SLC24A2: variants seen among roughly 807,000 people sequenced by gnomAD.
SLC24A2 encodes the protein solute carrier family 24 member 2.
A neutral mutation model predicts 62.0 loss-of-function variants in SLC24A2; 36 were observed. The ratio of observed to expected loss-of-function variants is 0.58; its 90% CI spans 0.44 to 0.77. The LOEUF (loss-of-function observed/expected upper bound fraction) is 0.77, where lower values mean the gene tolerates loss of function less well. Among genes scored for constraint, SLC24A2 ranks in the 30% least tolerant of loss-of-function variants. The probability of loss-of-function intolerance (pLI) is 0.00; values close to 1 mark genes in which losing one functional copy is unlikely to be tolerated. For missense variants in SLC24A2, 846 were observed against 817.9 expected (o/e 1.03, Z -0.42); for synonymous variants, 358 against 294.0 (o/e 1.22, Z -2.23).
chr9:20,107,820 G>A, the SLC24A2 span, among the ~76,000 whole-genome samples: 3 of 152,166 alleles, frequency 2.0e-5, no homozygotes, highest in African/African-American at 7.2e-5. Flanking sequence ...AAAAGCAATG[G>A]CAACAAAAGC....
intron 2 of SLC24A2, among the ~76,000 whole-genome samples, chr9:19,728,679 C>T (rs920988309): frequency 6.6e-6 from 1 of 152,110 alleles, no homozygotes; most frequent in Non-Finnish European, 1.5e-5. Flanking sequence ...CAACATTTTA[C>T]ATCCAAAAAC....
chr9:19,677,754 C>T (rs1014549064), intron 2 of SLC24A2, among the ~76,000 whole-genome samples: 1 of 150,922 alleles, frequency 6.6e-6, no homozygotes. Flanking sequence ...ATACATTACA[C>T]ATAACACACA....
the SLC24A2 span, among the ~76,000 whole-genome samples, chr9:19,949,184 C>T: frequency 6.1e-4 from 93 of 151,926 alleles, no homozygotes; most frequent in Admixed American, 1.6e-3. Flanking sequence ...AGTAGAGACG[C>T]GGTTTCACCA....
chr9:19,566,811 G>C (rs947353418), intron 7 of SLC24A2, among the ~76,000 whole-genome samples: 1 of 152,144 alleles, frequency 6.6e-6, no homozygotes, highest in African/African-American at 2.4e-5. Flanking sequence ...TCCTTTGTAG[G>C]GACACGGATG....
chr9:20,127,200 C>CTCCTTCAT, the SLC24A2 span, among the ~76,000 whole-genome samples: 1 of 152,106 alleles, frequency 6.6e-6, no homozygotes, highest in African/African-American at 2.4e-5. Context: ...TGTTTCCTCT[C>CTCCTTCAT]TCCTTCATTC....
the SLC24A2 span, among the ~76,000 whole-genome samples, chr9:20,213,994 T>G: frequency 1.9e-3 from 297 of 152,342 alleles, 3 homozygotes; most frequent in African/African-American, 6.7e-3. Flanking sequence ...ATTTCGCTTG[T>G]CATAATGTCT....
intron 5 of SLC24A2, among the ~76,000 whole-genome samples, chr9:19,595,946 T>C (rs1298325022): frequency 6.6e-6 from 1 of 152,174 alleles, no homozygotes; most frequent in African/African-American, 2.4e-5. Context: ...TATTCCTACA[T>C]GTAGGGTTCT....
In SLC24A2 at chr9:19,786,040, T is replaced by A. The variant is rs1823160067; in HGVS notation, c.827A>T (p.Tyr276Phe). ...SLLLLTAYFC[Y>F]VVFMKFNVQV... ...GACGTTGAATTTCATGAAAACCACA[T>A]AGCAAAAATAAGCTGTTAAGAGAAG... Residue 276 changes from tyrosine to phenylalanine, a missense_variant, in exon 2 of 11, where the codon TAT becomes TTT. Tyr to Phe is a conservative substitution (Grantham distance 22, BLOSUM62 3). Transcript: ENST00000341998. The surrounding 1 kb of genome is among the most constrained non-coding windows in gnomAD (Gnocchi z 5.0). 2 of 1,614,026 alleles carry A rather than the reference T, an allele frequency of 1.2e-6. No individual in the cohort carries two copies. Among genetic ancestry groups the A allele is most frequent in the South Asian group, 2.2e-5 (2 of 91,088 alleles).
intron 7 of SLC24A2, among the ~76,000 whole-genome samples, chr9:19,556,402 C>T (rs747601932): frequency 2.0e-5 from 3 of 152,164 alleles, no homozygotes; most frequent in Non-Finnish European, 4.4e-5. Flanking sequence ...GTGAAGGGCA[C>T]TGAGCAAGAT....
chr9:19,687,735 T>C (rs536771038), intron 2 of SLC24A2, among the ~76,000 whole-genome samples: 2 of 152,244 alleles, frequency 1.3e-5, no homozygotes, highest in East Asian at 3.9e-4. Flanking sequence ...ATCAGATTCC[T>C]ACCAGTTACT....
At chr9:19,863,022 GAC>G in the SLC24A2 span, among the ~76,000 whole-genome samples, 95 of 151,950 alleles carry the variant, frequency 6.3e-4, no homozygotes, top group Admixed American at 4.1e-3. Context: ...CACCTATAAA[GAC>G]ACACACTGAC....
the SLC24A2 span, among the ~76,000 whole-genome samples, chr9:20,284,716 A>G: frequency 6.6e-6 from 1 of 152,200 alleles, no homozygotes; most frequent in East Asian, 1.9e-4. Flanking sequence ...ACCAAGCACA[A>G]TAAAGCACCA....
intron 8 of SLC24A2, among the ~76,000 whole-genome samples, chr9:19,532,937 A>C (rs1005340669): frequency 1.3e-5 from 2 of 152,106 alleles, no homozygotes; most frequent in Non-Finnish European, 2.9e-5. Context: ...TTCGGTCCTT[A>C]GTTTATTTTC....
chr9:19,693,203 G>A (rs576987666), intron 2 of SLC24A2, among the ~76,000 whole-genome samples: 1 of 152,028 alleles, frequency 6.6e-6, no homozygotes, highest in Non-Finnish European at 1.5e-5. Flanking sequence ...ATACCCAAAG[G>A]ATTATAAATC....
chr9:19,851,023 ACATATT>A, the SLC24A2 span, among the ~76,000 whole-genome samples: 5 of 55,582 alleles, frequency 9.0e-5, no homozygotes, highest in African/African-American at 2.3e-4. Context: ...ATATATATAT[ACATATT>A]TTTTTTTTTT....
intron 7 of SLC24A2, among the ~76,000 whole-genome samples, chr9:19,552,698 A>G (rs187380335): frequency 1.5e-3 from 222 of 152,220 alleles, no homozygotes; most frequent in African/African-American, 5.1e-3. Flanking sequence ...TAAAACACAA[A>G]AGCAACTCTT....
At chr9:19,522,045 G>A (rs763416508) in intron 9 of SLC24A2, among the ~76,000 whole-genome samples, 8 of 152,096 alleles carry the variant, frequency 5.3e-5, no homozygotes, top group Non-Finnish European at 1.2e-4. Flanking sequence ...TTCTTGCTCT[G>A]TTGCCCAGGC....
At chr9:19,662,813 T>A (rs902794878) in intron 2 of SLC24A2, among the ~76,000 whole-genome samples, 1 of 152,238 alleles carries the variant, frequency 6.6e-6, no homozygotes, top group Non-Finnish European at 1.5e-5. Flanking sequence ...TATCAAAATT[T>A]ATGTTATATA....
chr9:19,751,161 G>A (rs11790276), intron 2 of SLC24A2, among the ~76,000 whole-genome samples: 39,920 of 151,994 alleles, frequency 0.26, 5,511 homozygotes, highest in East Asian at 0.53. Flanking sequence ...TAGCGCTGAC[G>A]GTAATAATTA....
Sources: allele counts gnomAD v4.1 joint callset (sites outside exome capture counted in the v4.1 genomes callset), GRCh38; gene constraint gnomAD v4.1.1; non-coding constraint Gnocchi (gnomAD v3.1); transcripts MANE v1.5; gene names NCBI Gene and HGNC (gene_info 2026-07-23, HGNC 2026-07-21).